HMMR: variants seen among roughly 807,000 people sequenced by gnomAD.
HMMR encodes hyaluronan mediated motility receptor.
HMMR carries 108 observed loss-of-function variants against 101.0 expected under a neutral mutation model. The ratio of observed to expected loss-of-function variants is 1.07; its 90% CI spans 0.92 to 1.25. HMMR has a LOEUF of 1.25. HMMR is among the 50% of genes most tolerant of loss of function. The probability of loss-of-function intolerance (pLI) is 0.00; values close to 1 mark genes in which losing one functional copy is unlikely to be tolerated. For missense variants in HMMR, 813 were observed against 788.7 expected (o/e 1.03, Z -0.37); for synonymous variants, 296 against 276.4 (o/e 1.07, Z -0.70).
At chr5:163,465,442 C>T (rs969179570) in intron 3 of HMMR, among the ~76,000 whole-genome samples, 1 of 152,178 alleles carries the variant, frequency 6.6e-6, no homozygotes, top group Non-Finnish European at 1.5e-5. Context: ...TCAAGCGATT[C>T]TCCTGCCTCA....
intron 16 of HMMR, among the ~76,000 whole-genome samples, chr5:163,486,708 C>A (rs189228823): frequency 1.5e-4 from 23 of 152,316 alleles, no homozygotes; most frequent in Non-Finnish European, 2.8e-4. Context: ...TGTTCCTGAT[C>A]TAGGGGGAAA....
At chr5:163,463,991 C>A in intron 2 of HMMR, 37 bp downstream of exon 2, 2 of 670,330 alleles carry the variant, frequency 3.0e-6, no homozygotes, top group South Asian at 2.9e-5. Flanking sequence ...GTTATGTGAT[C>A]TTATAAGTTT....
At position 163,473,424 on chromosome 5, in the gene HMMR, G is replaced by C. The variant is rs1233296352; in HGVS notation, c.771G>C (p.Gln257His). The C allele has an allele frequency of 1.2e-6, 2 of 1,611,238 alleles. No individual in the cohort carries two copies. The highest frequency in any genetic ancestry group is 2.2e-5 in the South Asian group (2 of 90,708). Residue 257 changes from glutamine (Q) to histidine (H), a missense_variant, in exon 9 of 18, where the codon CAG becomes CAC. Transcript: ENST00000393915. ...QVEKYKLDIA[Q>H]LEENLKEKND... ...AAAAATACAAGCTAGATATTGCCCAGTTAGAAGAAAATTTGAAAGAGAAGA... is the reference window on the plus strand; with the variant it reads ...AAAAATACAAGCTAGATATTGCCCACTTAGAAGAAAATTTGAAAGAGAAGA...
chr5:163,479,488 G>A (rs944179223), intron 12 of HMMR, among the ~76,000 whole-genome samples: 13 of 151,942 alleles, frequency 8.6e-5, no homozygotes, highest in Non-Finnish European at 5.9e-5. Context: ...CTGGGCAATA[G>A]AGTAAGACCT....
rs562924819 is a variant in HMMR at position 163,467,462 on chromosome 5, G to A, written c.226-239G>A. 7.2e-5 allele frequency among the ~76,000 whole-genome samples: 11 copies of A among 152,206 alleles called. No individual in the cohort carries two copies. The South Asian group carries it at 2.3e-3, about 32-fold the overall frequency. Reference sequence around the variant, plus strand: ...AAAGTTCCACCTGTTCTTTTCACTGGGCTGATTAGGAAAATCCTGATTTAT... The same window carrying A: ...AAAGTTCCACCTGTTCTTTTCACTGAGCTGATTAGGAAAATCCTGATTTAT... On this transcript the variant is annotated intron_variant, in intron 3 of 17. Coordinates refer to ENST00000393915, the MANE Select transcript of HMMR (RefSeq NM_001142556.2).
At chr5:163,462,593 G>A (rs145148704) in intron 1 of HMMR, among the ~76,000 whole-genome samples, 2 of 152,082 alleles carry the variant, frequency 1.3e-5, no homozygotes, top group East Asian at 1.9e-4. Flanking sequence ...TTGGGAGGCC[G>A]AGGCAGAGAG....
chr5:163,483,397 G>GTTTA (rs1480459210), intron 15 of HMMR, 30 bp downstream of exon 15: 1 of 1,195,944 alleles, frequency 8.4e-7, no homozygotes, highest in Admixed American at 1.9e-5. Flanking sequence ...ACTTACTTGT[G>GTTTA]TTTATTTTAG....
intron 16 of HMMR, among the ~76,000 whole-genome samples, chr5:163,488,551 C>T (rs899579335): frequency 1.3e-5 from 2 of 152,074 alleles, no homozygotes; most frequent in Non-Finnish European, 2.9e-5. Flanking sequence ...AAACATATCC[C>T]ACTACCTCCC....
chr5:163,481,046 T>A (rs550706334), intron 12 of HMMR, among the ~76,000 whole-genome samples: 1 of 152,146 alleles, frequency 6.6e-6, no homozygotes, highest in Non-Finnish European at 1.5e-5. Context: ...AGTCTTAAAA[T>A]TTCACTTTCC....
rs780991315 is a variant in HMMR, at chr5:163,473,468, T to C, written c.815T>C (p.Leu272Pro). Reference protein sequence around the residue: ...LKEKNDEILSLKQSLEENIVI... With the variant: ...LKEKNDEILSPKQSLEENIVI... ...GAGAAGAATGATGAAATTTTAAGCC[T>C]TAAGCAGTCTCTTGAGGAGAATATT... Residue 272 changes from leucine (L) to proline (P), a missense_variant, in exon 9 of 18, where the codon CTT (leucine) becomes CCT (proline). Transcript: ENST00000393915. 3.7e-6 allele frequency: 6 copies of C among 1,605,170 alleles called. No individual in the cohort carries two copies. In the South Asian group the frequency reaches 6.6e-5, roughly 18 times the overall value.
chr5:163,482,761 C>T lies in HMMR; in HGVS notation c.1505C>T (p.Thr502Ile). 1 of 1,613,838 alleles carries T rather than the reference C, an allele frequency of 6.2e-7. No individual in the cohort carries two copies. The highest frequency in any genetic ancestry group is 8.5e-7 in the Non-Finnish European group (1 of 1,179,806). The stretch of plus-strand genomic sequence containing the variant: ...GATGTTCAGCATCAGATTTTGGCAA[C>T]TGAGAGCTCAAATCAAGAATATGTA... ...AEDVQHQILATESSNQEYVRM... is the reference protein window; with the variant it reads ...AEDVQHQILAIESSNQEYVRM... The change falls in exon 13 of 18, where the codon ACT becomes ATT. Residue 502 changes from threonine (T) to isoleucine (I), a missense_variant. By Grantham distance (89) the Thr-to-Ile change is moderately conservative. Transcript: ENST00000393915.
intron 3 of HMMR, among the ~76,000 whole-genome samples, chr5:163,465,453 G>C (rs1356107054): frequency 6.6e-6 from 1 of 152,094 alleles, no homozygotes; most frequent in African/African-American, 2.4e-5. Flanking sequence ...TCCTGCCTCA[G>C]CCTCCCCAGT....
chr5:163,483,057 GA>G lies in HMMR; in HGVS notation c.1573del (p.Thr525GlnfsTer14). 1 of 1,612,252 alleles carries G rather than the reference GA, an allele frequency of 6.2e-7. No homozygotes were observed. Among genetic ancestry groups the G allele is most frequent in the Non-Finnish European group, 8.5e-7 (1 of 1,179,302 alleles). On this transcript the variant is annotated frameshift_variant, in exon 14 of 18. Coordinates refer to ENST00000393915, the MANE Select transcript of HMMR (RefSeq NM_001142556.2). LOFTEE classifies it high-confidence loss of function. The part of the protein sequence containing the change: ...LDLQTKSALK[E>X]TEIKEITVSF... Reference sequence around the variant, plus strand: ...TCTGCAGACCAAGTCAGCACTAAAGGAAACAGAAATTAAAGAAATCACAGTT... The same window carrying G: ...TCTGCAGACCAAGTCAGCACTAAAGGAACAGAAATTAAAGAAATCACAGTT...
At chr5:163,488,129 T>G (rs905336507) in intron 16 of HMMR, among the ~76,000 whole-genome samples, 5 of 152,230 alleles carry the variant, frequency 3.3e-5, no homozygotes, top group African/African-American at 4.8e-5. Flanking sequence ...GCTGGGATTA[T>G]AGGCTTGAGC....
Position 163,469,792 on chromosome 5 carries a change from T to C in HMMR, c.425T>C (p.Ile142Thr). Residue 142 changes from isoleucine (I) to threonine (T), a missense_variant, in exon 5 of 18, where the codon ATT (isoleucine) becomes ACT (threonine). Physicochemically the swap from Ile to Thr is moderately conservative, Grantham distance 89 (BLOSUM62 -1). Coordinates refer to ENST00000393915, the MANE Select transcript of HMMR (RefSeq NM_001142556.2). ...ANNATLEKQL[I>T]ELTRTNELLK... ...AATGCTACACTGGAAAAACAACTTATTGAATTGACCAGGACTAATGAACTA... is the reference window on the plus strand; with the variant it reads ...AATGCTACACTGGAAAAACAACTTACTGAATTGACCAGGACTAATGAACTA... The C allele has an allele frequency of 1.2e-6, 2 of 1,611,192 alleles. No homozygotes were observed. The highest frequency in any genetic ancestry group is 8.5e-7 in the Non-Finnish European group (1 of 1,177,476).
chr5:163,476,544 A>T (rs141523623), intron 11 of HMMR, among the ~76,000 whole-genome samples: 211 of 152,298 alleles, frequency 1.4e-3, no homozygotes, highest in Admixed American at 2.8e-3. Context: ...CTGAGATGGG[A>T]GGATCTTTAG....
At chr5:163,490,317 G>A (rs149562029) in intron 16 of HMMR, 73 bp from the exon 17 acceptor site, 15,386 of 1,022,356 alleles carry the variant, frequency 0.015, 241 homozygotes, top group Middle Eastern at 0.058. Flanking sequence ...GAATTTGCCC[G>A]CAACATTGGT....
intron 3 of HMMR, chr5:163,465,037 C>G (rs545921036): frequency 2.9e-5 from 13 of 455,534 alleles, no homozygotes; most frequent in African/African-American, 2.2e-4. Flanking sequence ...TCAATCACTT[C>G]TATGTTTAAA....
Position 163,483,034 on chromosome 5 carries a change from T to C in HMMR, c.1547T>C (p.Leu516Pro). ...NQEYVRMLLD[L>P]QTKSALKETE... ...TCAAACCAAAGGATGCTTCTAGATC[T>C]GCAGACCAAGTCAGCACTAAAGGAA... Residue 516 changes from leucine to proline, a missense_variant, in exon 14 of 18, where the codon CTG becomes CCG. Transcript: ENST00000393915. 6.2e-7 allele frequency: 1 copy of C among 1,604,086 alleles called. No individual in the cohort carries two copies. Among genetic ancestry groups the C allele is most frequent in the Non-Finnish European group, 8.5e-7 (1 of 1,177,308 alleles).
Sources: allele counts gnomAD v4.1 joint callset (sites outside exome capture counted in the v4.1 genomes callset), GRCh38; gene constraint gnomAD v4.1.1; transcripts MANE v1.5; gene names NCBI Gene and HGNC (gene_info 2026-07-23, HGNC 2026-07-21).